The following KCNH8 variants were observed in gnomAD, a reference collection of about 807,000 sequenced individuals.
The protein encoded by KCNH8 is voltage-gated delayed rectifier potassium channel KCNH8.
A neutral mutation model predicts 103.6 loss-of-function variants in KCNH8; 70 were observed. The observed-to-expected ratio is 0.68, with a 90% CI of 0.56 to 0.82. The LOEUF (loss-of-function observed/expected upper bound fraction) is 0.82. KCNH8 is among the 40% of genes least tolerant of loss of function. The probability of loss-of-function intolerance (pLI) is 0.00; values close to 1 mark genes in which losing one functional copy is unlikely to be tolerated. For synonymous variants in KCNH8, 498 were observed against 489.4 expected, an observed-to-expected ratio of 1.02 and a Z score of -0.23; for missense variants, 1,217 against 1,329.9, an observed-to-expected ratio of 0.92 and a Z score of 1.32.
chr3:19,268,931 T>G (rs1244153891), intron 2 of KCNH8, among the ~76,000 whole-genome samples: 1 of 152,126 alleles, frequency 6.6e-6, no homozygotes, highest in Non-Finnish European at 1.5e-5. Context: ...ATATCTTTAC[T>G]TTGGGAAATG....
At chr3:19,188,564 C>T (rs73048540) in intron 1 of KCNH8, among the ~76,000 whole-genome samples, 10 of 151,994 alleles carry the variant, frequency 6.6e-5, no homozygotes, top group South Asian at 2.1e-4. Context: ...TAATAAAAAT[C>T]GATTTATAAA....
In KCNH8 at chr3:19,342,759, G is replaced by A. The variant is rs776531346; in HGVS notation, c.570+45G>A. On this transcript the variant is annotated intron_variant, in intron 4 of 15. Coordinates refer to ENST00000328405, the MANE Select transcript of KCNH8 (RefSeq NM_144633.3). ...AGGATGAATGCTAGTGTTTCCCCTGGTGGCAATGTTTGACTCGCTAAAGAA... is the reference window on the plus strand; with the variant it reads ...AGGATGAATGCTAGTGTTTCCCCTGATGGCAATGTTTGACTCGCTAAAGAA... 8 of 1,537,182 alleles carry A rather than the reference G, an allele frequency of 5.2e-6. No homozygotes were observed. The Admixed American group carries it at 1.5e-4, about 28-fold the overall frequency.
At chr3:19,155,433 A>C (rs890948159) in intron 1 of KCNH8, among the ~76,000 whole-genome samples, 1 of 151,720 alleles carries the variant, frequency 6.6e-6, no homozygotes, top group Admixed American at 6.6e-5. Context: ...AGTCCCTTCT[A>C]CTCCCACTTG....
chr3:19,461,335 A>G (rs924532654), intron 11 of KCNH8, among the ~76,000 whole-genome samples: 1 of 152,116 alleles, frequency 6.6e-6, no homozygotes, highest in Non-Finnish European at 1.5e-5. Flanking sequence ...CTCTGTTTCT[A>G]TAAGTTTGTA....
At chr3:19,350,655 A>C (rs1020627754) in intron 5 of KCNH8, among the ~76,000 whole-genome samples, 1 of 152,304 alleles carries the variant, frequency 6.6e-6, no homozygotes, top group South Asian at 2.1e-4. Flanking sequence ...ACAGACCTGC[A>C]GCTGAGGGTC....
In KCNH8 at chr3:19,321,865, G is replaced by A. The variant is rs189559318; in HGVS notation, c.443-20722G>A. 2.4e-3 allele frequency among the ~76,000 whole-genome samples: 363 copies of A among 152,084 alleles called. 5 individuals are homozygous for A. Among genetic ancestry groups the A allele is most frequent in the African/African-American group, 8.1e-3 (338 of 41,506 alleles). On this transcript the variant is annotated intron_variant, in intron 3 of 15. Transcript: ENST00000328405. ...GTTTTATAAATTTGGGAGCTCCAGCGTTAGGTGCATATATATTTAGGATTG... is the reference window on the plus strand; with the variant it reads ...GTTTTATAAATTTGGGAGCTCCAGCATTAGGTGCATATATATTTAGGATTG...
At chr3:19,517,550 A>G (rs1313579876) in intron 14 of KCNH8, among the ~76,000 whole-genome samples, 1 of 152,014 alleles carries the variant, frequency 6.6e-6, no homozygotes, top group Non-Finnish European at 1.5e-5. Context: ...TGCAGTGGAT[A>G]TCAGTATCTG....
intron 3 of KCNH8, among the ~76,000 whole-genome samples, chr3:19,281,674 T>G (rs925299597): frequency 6.6e-6 from 1 of 152,076 alleles, no homozygotes; most frequent in Non-Finnish European, 1.5e-5. Context: ...AGGATGTGAT[T>G]TAAAATACAT....
intron 3 of KCNH8, among the ~76,000 whole-genome samples, chr3:19,294,276 A>G (rs906220335): frequency 2.6e-5 from 4 of 152,216 alleles, no homozygotes; most frequent in African/African-American, 9.6e-5. Context: ...ACATTAAGAG[A>G]CTGATCAGAT....
intron 11 of KCNH8, among the ~76,000 whole-genome samples, chr3:19,463,795 T>G (rs1195983112): frequency 6.6e-6 from 1 of 152,116 alleles, no homozygotes; most frequent in Non-Finnish European, 1.5e-5. Context: ...GGGATGTTCA[T>G]TGTAGCTCTG....
intron 1 of KCNH8, among the ~76,000 whole-genome samples, chr3:19,205,101 T>G (rs2063701202): frequency 6.6e-6 from 1 of 151,914 alleles, no homozygotes; most frequent in South Asian, 2.1e-4. Flanking sequence ...AGTCATCTAC[T>G]TACCTGTTTG....
At chr3:19,369,347 T>C (rs2066056090) in intron 5 of KCNH8, among the ~76,000 whole-genome samples, 1 of 151,904 alleles carries the variant, frequency 6.6e-6, no homozygotes, top group South Asian at 2.1e-4. Flanking sequence ...TACTGTGTTC[T>C]CTTGATTTTC....
intron 1 of KCNH8, among the ~76,000 whole-genome samples, chr3:19,239,674 CTATCTAT>C (rs1559437659): frequency 1.4e-4 from 22 of 151,990 alleles, no homozygotes; most frequent in African/African-American, 2.7e-4. Flanking sequence ...ATCTATCTAT[CTATCTAT>C]CTACCTACCT....
At chr3:19,179,980 T>C (rs377532476) in intron 1 of KCNH8, among the ~76,000 whole-genome samples, 3 of 152,210 alleles carry the variant, frequency 2.0e-5, no homozygotes, top group East Asian at 1.9e-4. Flanking sequence ...CTTTTATACA[T>C]GGCCAGAATC....
chr3:19,345,869 A>G (rs977165210), intron 4 of KCNH8, among the ~76,000 whole-genome samples: 3 of 152,098 alleles, frequency 2.0e-5, no homozygotes, highest in Non-Finnish European at 2.9e-5. Flanking sequence ...AAATGAAACC[A>G]TGAGATTTAT....
intron 1 of KCNH8, among the ~76,000 whole-genome samples, chr3:19,186,123 G>C (rs1461783311): frequency 6.6e-6 from 1 of 151,792 alleles, no homozygotes; most frequent in African/African-American, 2.4e-5. Context: ...AAAGTCAAAT[G>C]CTTCCACAGG....
At chr3:19,379,195 T>A (rs9846656) in intron 5 of KCNH8, among the ~76,000 whole-genome samples, 2 of 152,098 alleles carry the variant, frequency 1.3e-5, no homozygotes, top group Non-Finnish European at 2.9e-5. Flanking sequence ...AAAGCCTCAT[T>A]ACAGTTTAAA....
chr3:19,438,805 G>C (rs2067237717), intron 8 of KCNH8, among the ~76,000 whole-genome samples: 3 of 151,972 alleles, frequency 2.0e-5, no homozygotes. Flanking sequence ...CCCTCTTTCT[G>C]GTCCACATTG....
intron 11 of KCNH8, among the ~76,000 whole-genome samples, chr3:19,507,045 G>T (rs182126471): frequency 2.0e-5 from 3 of 152,224 alleles, no homozygotes. Flanking sequence ...CTGCCTCAGA[G>T]AAACACAGCG....
Sources: allele counts gnomAD v4.1 joint callset (sites outside exome capture counted in the v4.1 genomes callset), GRCh38; gene constraint gnomAD v4.1.1; transcripts MANE v1.5; gene names NCBI Gene and HGNC (gene_info 2026-07-23, HGNC 2026-07-21).